Variants in CRPPA observed in about 807,000 individuals in gnomAD.
The protein encoded by CRPPA is D-ribitol-5-phosphate cytidylyltransferase.
A neutral mutation model predicts 52.0 loss-of-function variants in CRPPA; 43 were observed. That is an observed-to-expected ratio of 0.83 (90% CI 0.65 to 1.07). CRPPA has a LOEUF of 1.07. CRPPA is among the 50% of genes least tolerant of loss of function. The pLI is 0.00. For missense variants in CRPPA, 629 were observed against 551.7 expected, an observed-to-expected ratio of 1.14 and a Z score of -1.40; for synonymous variants, 250 against 203.5, an observed-to-expected ratio of 1.23 and a Z score of -1.94.
intron 9 of CRPPA, among the ~76,000 whole-genome samples, chr7:16,199,379 T>C (rs540382450): frequency 2.0e-4 from 31 of 152,286 alleles, no homozygotes; most frequent in Admixed American, 4.6e-4. Context: ...AGTTAATGCC[T>C]TTCATATGTG....
rs1217255833 is a variant in CRPPA at position 16,420,219 on chromosome 7, G to C, written c.257+847C>G. On this transcript the variant is annotated intron_variant, in intron 1 of 9. Transcript: ENST00000407010. ...ATGCAAACGGTTCGCATCAATTCAA[G>C]GCTTCACAAACTACCACAGCTCCCC... Among the ~76,000 whole-genome samples the C allele has an allele frequency of 2.0e-5, 3 of 152,212 alleles. No individual in the cohort carries two copies. The South Asian group carries it at 6.2e-4, about 32-fold the overall frequency.
chr7:16,127,310 A>C (rs1782599430), intron 9 of CRPPA, among the ~76,000 whole-genome samples: 1 of 152,152 alleles, frequency 6.6e-6, no homozygotes, highest in South Asian at 2.1e-4. Context: ...GACTGGTGTC[A>C]CTATTGAATG....
chr7:16,294,968 C>T lies in CRPPA; in HGVS notation c.835+6453G>A, dbSNP rs79406432. Among the ~76,000 whole-genome samples the T allele has an allele frequency of 1.7e-3, 259 of 152,122 alleles. 1 individual carries two copies. Among genetic ancestry groups the T allele is most frequent in the African/African-American group, 5.9e-3 (247 of 41,548 alleles). ...ATTTTAAGTAAAAAAGTTAAAGGAT[C>T]GCTAAGAAATCAAGGGACTAGTTTC... On this transcript the variant is annotated intron_variant, in intron 5 of 9. Coordinates refer to ENST00000407010, the MANE Select transcript of CRPPA (RefSeq NM_001101426.4).
At chr7:16,267,430 T>A (rs1409095241) in intron 6 of CRPPA, among the ~76,000 whole-genome samples, 4 of 152,228 alleles carry the variant, frequency 2.6e-5, no homozygotes, top group Non-Finnish European at 4.4e-5. Flanking sequence ...GATACTGATA[T>A]AACTGATGCC....
At chr7:16,192,534 C>T (rs542982062) in intron 9 of CRPPA, among the ~76,000 whole-genome samples, 4 of 152,240 alleles carry the variant, frequency 2.6e-5, no homozygotes, top group African/African-American at 9.6e-5. Context: ...AAATGTAGAA[C>T]ATTTCCATCA....
chr7:16,326,205 T>C (rs1303491313), intron 3 of CRPPA, among the ~76,000 whole-genome samples: 1 of 152,170 alleles, frequency 6.6e-6, no homozygotes, highest in Non-Finnish European at 1.5e-5. Flanking sequence ...TATTCCTTGG[T>C]ATTTAATGTA....
chr7:16,159,464 T>TGGTTTCCACA (rs1783257171), intron 9 of CRPPA, among the ~76,000 whole-genome samples: 1 of 152,192 alleles, frequency 6.6e-6, no homozygotes, highest in Non-Finnish European at 1.5e-5. Flanking sequence ...TGTTCCTGTG[T>TGGTTTCCACA]TAGCTTGCTG....
In CRPPA at chr7:16,203,718, C is replaced by T. The variant is rs139002758; in HGVS notation, c.1251+12348G>A. Among the ~76,000 whole-genome samples the T allele has an allele frequency of 6.6e-3, 999 of 152,184 alleles. 11 individuals are homozygous for T. The highest frequency in any genetic ancestry group is 0.023 in the African/African-American group (947 of 41,516). On this transcript the variant is annotated intron_variant, in intron 9 of 9. Coordinates refer to ENST00000407010, the MANE Select transcript of CRPPA (RefSeq NM_001101426.4). Reference sequence around the variant, plus strand: ...GAATTTTTTCAGTTATATTTTTAAACCACTCTGTGTTGTGTTTCTGACATT... The same window carrying T: ...GAATTTTTTCAGTTATATTTTTAAATCACTCTGTGTTGTGTTTCTGACATT...
intron 3 of CRPPA, among the ~76,000 whole-genome samples, chr7:16,365,386 T>C (rs1786565136): frequency 6.6e-6 from 1 of 152,232 alleles, no homozygotes. Context: ...GCCAGATTTG[T>C]AATCATCATC....
Position 16,307,219 on chromosome 7 carries a change from C to A in CRPPA, c.789+1304G>T, listed in dbSNP as rs551395250. Among the ~76,000 whole-genome samples the A allele has an allele frequency of 4.6e-5, 7 of 152,206 alleles. No homozygotes were observed. The South Asian group carries it at 1.5e-3, about 32-fold the overall frequency. Reference sequence around the variant, plus strand: ...ATGTATTTCAAGATTATGAAATAATCTTATTTCCAAATGTACTTATTTCTG... The same window carrying A: ...ATGTATTTCAAGATTATGAAATAATATTATTTCCAAATGTACTTATTTCTG... On this transcript the variant is annotated intron_variant, in intron 4 of 9. Transcript: ENST00000407010.
At chr7:16,092,899 T>C (rs532029222) in intron 9 of CRPPA, among the ~76,000 whole-genome samples, 1 of 152,312 alleles carries the variant, frequency 6.6e-6, no homozygotes, top group African/African-American at 2.4e-5. Flanking sequence ...AAGCTGTTTT[T>C]CTGAGCTTGA....
intron 2 of CRPPA, among the ~76,000 whole-genome samples, chr7:16,378,724 C>T (rs1187577356): frequency 1.3e-5 from 2 of 150,744 alleles, no homozygotes; most frequent in Non-Finnish European, 3.0e-5. Context: ...TACAGTCCCA[C>T]CAACAGTGTA....
chr7:16,249,375 C>G (rs1783375286), intron 8 of CRPPA, among the ~76,000 whole-genome samples: 1 of 152,206 alleles, frequency 6.6e-6, no homozygotes, highest in African/African-American at 2.4e-5. Context: ...CATTCGAGCT[C>G]TAATAATGGA....
chr7:16,286,127 A>C, intron 5 of CRPPA, among the ~76,000 whole-genome samples: 1 of 117,986 alleles, frequency 8.5e-6, no homozygotes, highest in African/African-American at 3.8e-5. Flanking sequence ...TGCCAAAAAG[A>C]AACAATGTAC....
At chr7:16,353,157 A>T (rs1786201812) in intron 3 of CRPPA, among the ~76,000 whole-genome samples, 1 of 151,748 alleles carries the variant, frequency 6.6e-6, no homozygotes, top group Non-Finnish European at 1.5e-5. Flanking sequence ...GGAGTTCGAG[A>T]CCAGTCTGGA....
At chr7:16,306,893 A>G (rs2128424333) in intron 4 of CRPPA, among the ~76,000 whole-genome samples, 1 of 152,330 alleles carries the variant, frequency 6.6e-6, no homozygotes, top group South Asian at 2.1e-4. Flanking sequence ...AATATTGCAT[A>G]AAATTTCTTT....
At chr7:16,112,194 A>G (rs919010817) in intron 9 of CRPPA, among the ~76,000 whole-genome samples, 34 of 152,128 alleles carry the variant, frequency 2.2e-4, no homozygotes, top group African/African-American at 8.2e-4. Context: ...ATGTGCCTGT[A>G]ATCTCAGCTA....
intron 5 of CRPPA, among the ~76,000 whole-genome samples, chr7:16,293,081 G>A (rs1239593047): frequency 6.6e-6 from 1 of 151,842 alleles, no homozygotes; most frequent in Non-Finnish European, 1.5e-5. Context: ...ATCACCTCTA[G>A]TAAGAATGGT....
At chr7:16,330,275 T>G (rs921612790) in intron 3 of CRPPA, among the ~76,000 whole-genome samples, 2 of 152,172 alleles carry the variant, frequency 1.3e-5, no homozygotes, top group African/African-American at 4.8e-5. Flanking sequence ...CAGAAATGAG[T>G]GGATTCCATT....
Sources: allele counts gnomAD v4.1 joint callset (sites outside exome capture counted in the v4.1 genomes callset), GRCh38; gene constraint gnomAD v4.1.1; transcripts MANE v1.5; gene names NCBI Gene and HGNC (gene_info 2026-07-23, HGNC 2026-07-21).